The following SEMA3A variants were observed in gnomAD, a reference collection of about 807,000 sequenced individuals.
SEMA3A encodes semaphorin-3A.
A neutral mutation model predicts 97.9 loss-of-function variants in SEMA3A; 29 were observed. That is an observed-to-expected ratio of 0.30 (90% CI 0.22 to 0.40). SEMA3A has a LOEUF of 0.40. Among genes scored for constraint, SEMA3A ranks in the 10% least tolerant of loss-of-function variants. SEMA3A has a pLI of 1.00. For missense variants in SEMA3A, 763 were observed against 951.3 expected, an observed-to-expected ratio of 0.80 and a Z score of 2.60; for synonymous variants, 321 against 323.7, an observed-to-expected ratio of 0.99 and a Z score of 0.09.
chr7:84,457,817 T>G (rs1245732438), intron 1 of SEMA3A, among the ~76,000 whole-genome samples: 2 of 151,984 alleles, frequency 1.3e-5, no homozygotes, highest in Admixed American at 6.6e-5. Flanking sequence ...TAGAGATAGA[T>G]AATTATTAGA....
At chr7:84,250,507 A>T (rs773348383) in intron 3 of SEMA3A, among the ~76,000 whole-genome samples, 22 of 152,262 alleles carry the variant, frequency 1.4e-4, no homozygotes, top group Admixed American at 2.6e-4. Context: ...TCATTGATTG[A>T]TAATGAGCAG....
chr7:84,346,860 G>A (rs562699252), intron 2 of SEMA3A, among the ~76,000 whole-genome samples: 3 of 152,260 alleles, frequency 2.0e-5, no homozygotes, highest in East Asian at 3.9e-4. Flanking sequence ...GCCAGAAACC[G>A]CTGGTTTGTA....
chr7:83,978,645 T>A (rs913009477), intron 14 of SEMA3A, among the ~76,000 whole-genome samples: 6 of 152,232 alleles, frequency 3.9e-5, no homozygotes, highest in African/African-American at 1.4e-4. Flanking sequence ...TTTAGAAGTC[T>A]AAAGTATTTA....
chr7:84,203,530 T>TTTTCTC, intron 3 of SEMA3A, among the ~76,000 whole-genome samples: 1 of 73,516 alleles, frequency 1.4e-5, no homozygotes, highest in East Asian at 3.3e-4. Flanking sequence ...ATATATATTT[T>TTTTCTC]TTTTTTTTTT....
chr7:84,474,412 T>C (rs1294730116), intron 1 of SEMA3A, among the ~76,000 whole-genome samples: 1 of 152,174 alleles, frequency 6.6e-6, no homozygotes, highest in Non-Finnish European at 1.5e-5. Flanking sequence ...TGTAGTTCCC[T>C]CCTTTGACAG....
At chr7:84,431,312 C>T (rs934881904) in intron 1 of SEMA3A, among the ~76,000 whole-genome samples, 15 of 151,996 alleles carry the variant, frequency 9.9e-5, no homozygotes, top group Non-Finnish European at 1.3e-4. Context: ...AGGGCAATTT[C>T]GTTTCCATGA....
At chr7:84,194,796 G>GAA (rs36048075), upstream of SEMA3A, 140 of 158,012 alleles carry the variant, frequency 8.9e-4, no homozygotes, top group Non-Finnish European at 1.1e-3. Flanking sequence ...CCTCCAAAAA[G>GAA]AAAAAAAAAA....
chr7:84,406,088 C>T (rs1584298208), intron 1 of SEMA3A, among the ~76,000 whole-genome samples: 1 of 151,944 alleles, frequency 6.6e-6, no homozygotes, highest in East Asian at 1.9e-4. Context: ...AAAAAACCTT[C>T]AAAAAATCAA....
chr7:84,286,774 G>T (rs137882347), intron 3 of SEMA3A, among the ~76,000 whole-genome samples: 2 of 152,090 alleles, frequency 1.3e-5, no homozygotes, highest in African/African-American at 2.4e-5. Flanking sequence ...AGAATATGTT[G>T]TACTGTTTTA....
chr7:84,098,134 T>C (rs974059662), intron 4 of SEMA3A, among the ~76,000 whole-genome samples: 2 of 152,066 alleles, frequency 1.3e-5, no homozygotes, highest in African/African-American at 4.8e-5. Context: ...TAGAGTATAA[T>C]TGGTTGATAA....
intron 2 of SEMA3A, among the ~76,000 whole-genome samples, chr7:84,356,193 A>G (rs934104667): frequency 6.6e-6 from 1 of 151,864 alleles, no homozygotes; most frequent in Non-Finnish European, 1.5e-5. Flanking sequence ...ATTTTTTGGA[A>G]AATTACTTTA....
intron 4 of SEMA3A, among the ~76,000 whole-genome samples, chr7:84,085,959 C>A (rs960917337): frequency 2.6e-5 from 4 of 152,076 alleles, no homozygotes; most frequent in Non-Finnish European, 5.9e-5. Flanking sequence ...TTTCTTTTTG[C>A]CATTGTTGGA....
At chr7:84,081,315 G>A (rs530822621) in intron 4 of SEMA3A, among the ~76,000 whole-genome samples, 34 of 152,086 alleles carry the variant, frequency 2.2e-4, no homozygotes, top group African/African-American at 6.5e-4. Context: ...TTGTAGGGCC[G>A]GGCGCGGTGG....
intron 10 of SEMA3A, among the ~76,000 whole-genome samples, chr7:84,006,775 C>A (rs1194336308): frequency 6.6e-6 from 1 of 152,034 alleles, no homozygotes; most frequent in African/African-American, 2.4e-5. Context: ...TTCTTTGCCA[C>A]TAGCTTGAAA....
chr7:84,260,594 G>A (rs1799826558), intron 3 of SEMA3A, among the ~76,000 whole-genome samples: 1 of 148,596 alleles, frequency 6.7e-6, no homozygotes, highest in Admixed American at 6.7e-5. Context: ...TTGGACCAGA[G>A]TTGTAGCCAA....
At chr7:84,149,561 C>T (rs184048507) in intron 1 of SEMA3A, among the ~76,000 whole-genome samples, 12 of 152,302 alleles carry the variant, frequency 7.9e-5, no homozygotes, top group Middle Eastern at 6.8e-3. Flanking sequence ...CAACATTAAT[C>T]CTCACAATGT....
intron 1 of SEMA3A, among the ~76,000 whole-genome samples, chr7:84,160,225 CTATCTA>C (rs1796984850): frequency 4.3e-3 from 1 of 230 alleles, no homozygotes; most frequent in Non-Finnish European, 8.3e-3. Context: ...ATCAATCTGT[CTATCTA>C]TCTATCTATC....
chr7:84,358,047 G>C (rs973557845), intron 2 of SEMA3A, among the ~76,000 whole-genome samples: 7 of 152,276 alleles, frequency 4.6e-5, no homozygotes, highest in African/African-American at 1.2e-4. Context: ...CCCTTTGTCA[G>C]ATTAGTAGAT....
intron 1 of SEMA3A, among the ~76,000 whole-genome samples, chr7:84,461,534 A>T (rs1805839790): frequency 1.3e-5 from 2 of 151,708 alleles, no homozygotes; most frequent in South Asian, 4.2e-4. Flanking sequence ...TAGGAGACTT[A>T]TGCATGAAGA....
Sources: allele counts gnomAD v4.1 joint callset (sites outside exome capture counted in the v4.1 genomes callset), GRCh38; gene constraint gnomAD v4.1.1; transcripts MANE v1.5; gene names NCBI Gene and HGNC (gene_info 2026-07-23, HGNC 2026-07-21).